ZNF782: variants seen among roughly 807,000 people sequenced by gnomAD.
The protein encoded by ZNF782 is zinc finger protein 782.
In ZNF782, 12 loss-of-function variants were observed where a neutral mutation model predicts 13.0. The ratio of observed to expected loss-of-function variants is 0.92; its 90% confidence interval spans 0.59 to 1.50. ZNF782 has a LOEUF of 1.50. Ranked by LOEUF, ZNF782 falls within the 40% of genes most tolerant of loss-of-function variation. ZNF782 has a pLI of 0.00. For missense variants in ZNF782, 770 were observed against 822.9 expected (o/e 0.94, Z 0.79); for synonymous variants, 284 against 283.0 (o/e 1.00, Z -0.04).
At chr9:96,930,787 C>A in the ZNF782 span, among the ~76,000 whole-genome samples, 1 of 145,204 alleles carries the variant, frequency 6.9e-6, no homozygotes, top group South Asian at 2.2e-4. Flanking sequence ...GGTGCCAGGA[C>A]AATCACTTGC....
At chr9:96,828,668 TAAAC>T (rs1850704284) in intron 4 of ZNF782, among the ~76,000 whole-genome samples, 2 of 152,198 alleles carry the variant, frequency 1.3e-5, no homozygotes, top group South Asian at 4.1e-4. Context: ...TGGAAAATAA[TAAAC>T]AGAGTTATCT....
At chr9:96,930,429 CAGG>C in the ZNF782 span, among the ~76,000 whole-genome samples, 160 of 149,202 alleles carry the variant, frequency 1.1e-3, no homozygotes, top group African/African-American at 3.7e-3. Context: ...GAGGCTGAGG[CAGG>C]AGAAGTGCTT....
At chr9:96,838,717 CTTT>C (rs139436021) in intron 4 of ZNF782, among the ~76,000 whole-genome samples, 5 of 136,148 alleles carry the variant, frequency 3.7e-5, no homozygotes, top group Non-Finnish European at 1.6e-5. Context: ...TTTTTCTTTT[CTTT>C]TTTTTTTTTT....
chr9:96,832,015 A>G (rs1455694073), intron 4 of ZNF782, among the ~76,000 whole-genome samples: 2 of 151,906 alleles, frequency 1.3e-5, no homozygotes, highest in Non-Finnish European at 2.9e-5. Context: ...ATAAGCTGCC[A>G]TTTTATTTGT....
chr9:96,890,609 T>C, the ZNF782 span: 1 of 152,252 alleles, frequency 6.6e-6, no homozygotes, highest in Non-Finnish European at 1.5e-5. Context: ...GGAGATCCAG[T>C]CAAGGACACG....
intron 5 of ZNF782, among the ~76,000 whole-genome samples, chr9:96,823,190 T>C (rs1454635772): frequency 6.6e-6 from 1 of 152,224 alleles, no homozygotes; most frequent in Non-Finnish European, 1.5e-5. Flanking sequence ...CCTCGTAGCA[T>C]GAGCACATAA....
chr9:96,923,949 T>C, the ZNF782 span, among the ~76,000 whole-genome samples: 3,132 of 147,958 alleles, frequency 0.021, 124 homozygotes, highest in East Asian at 0.24. Context: ...AATTCTCCTG[T>C]CTCATCCTCC....
chr9:96,901,784 G>A, the ZNF782 span, among the ~76,000 whole-genome samples: 3 of 150,718 alleles, frequency 2.0e-5, no homozygotes, highest in Non-Finnish European at 4.4e-5. Context: ...GGAGGCTGAG[G>A]CAGGAGAATG....
chr9:96,820,628 CA>C (rs2118317033), intron 5 of ZNF782, among the ~76,000 whole-genome samples: 1 of 151,558 alleles, frequency 6.6e-6, no homozygotes, highest in African/African-American at 2.4e-5. Context: ...TGGCTCACTG[CA>C]ACTTCTGCCT....
intron 4 of ZNF782, among the ~76,000 whole-genome samples, chr9:96,833,200 C>CT (rs1850863450): frequency 6.6e-6 from 1 of 152,214 alleles, no homozygotes; most frequent in Non-Finnish European, 1.5e-5. Flanking sequence ...CTATTAACAA[C>CT]TGAAACTACC....
intron 4 of ZNF782, among the ~76,000 whole-genome samples, chr9:96,831,270 AGTG>A (rs1486885735): frequency 6.6e-6 from 1 of 152,236 alleles, no homozygotes; most frequent in Non-Finnish European, 1.5e-5. Context: ...ACTTGACTGT[AGTG>A]GTGGTTACAC....
upstream of ZNF782, among the ~76,000 whole-genome samples, chr9:96,855,144 C>T (rs1463524016): frequency 6.6e-6 from 1 of 152,158 alleles, no homozygotes; most frequent in East Asian, 1.9e-4. Flanking sequence ...TGGTTTTTAT[C>T]CCTTAACATT....
intron 2 of ZNF782, among the ~76,000 whole-genome samples, chr9:96,861,005 G>C (rs76318088): frequency 6.6e-6 from 1 of 152,216 alleles, no homozygotes; most frequent in Non-Finnish European, 1.5e-5. Flanking sequence ...CCAGCACTTT[G>C]GGAGGCTGAG....
At chr9:96,886,858 G>A in the ZNF782 span, among the ~76,000 whole-genome samples, 2 of 150,636 alleles carry the variant, frequency 1.3e-5, no homozygotes, top group African/African-American at 2.5e-5. Context: ...GGGAGGTGGA[G>A]GTTGCAGTGA....
rs1208864456 is a variant in ZNF782, at chr9:96,850,351, A to G, written c.15+1596T>C. Among the ~76,000 whole-genome samples, 1 of 152,232 alleles carries G rather than the reference A, an allele frequency of 6.6e-6. No homozygotes were observed. Among genetic ancestry groups the G allele is most frequent in the Non-Finnish European group, 1.5e-5 (1 of 68,036 alleles). On this transcript the variant is annotated intron_variant, in intron 3 of 5. Transcript: ENST00000481138. The surrounding 1 kb of genome is among the most constrained non-coding windows in gnomAD (Gnocchi z 4.3). The stretch of plus-strand genomic sequence containing the variant: ...AAAGGAATGAAATAATGTCTTTTGC[A>G]GCAACTTGGATGGAGCTGGAGGCTG...
chr9:96,879,432 G>A (rs1272491692), upstream of ZNF782, among the ~76,000 whole-genome samples: 1 of 152,224 alleles, frequency 6.6e-6, no homozygotes. Flanking sequence ...GAACCCAGAA[G>A]GCAGAGCTTG....
the ZNF782 span, among the ~76,000 whole-genome samples, chr9:96,904,310 CTA>C: frequency 2.1e-5 from 2 of 93,976 alleles, no homozygotes; most frequent in Middle Eastern, 3.8e-3. Flanking sequence ...CAGGGTCTCA[CTA>C]TGTTGGCCAG....
At chr9:96,933,045 T>A in the ZNF782 span, among the ~76,000 whole-genome samples, 2 of 150,110 alleles carry the variant, frequency 1.3e-5, no homozygotes, top group African/African-American at 4.9e-5. Context: ...TGGCGTGATC[T>A]CGGCTCACTG....
chr9:96,894,617 C>A, the ZNF782 span: 1 of 152,204 alleles, frequency 6.6e-6, no homozygotes, highest in Non-Finnish European at 1.5e-5. Flanking sequence ...CTGTAAAATG[C>A]TATTGCATTG....
Sources: gnomAD v4.1 joint callset for allele counts (sites outside exome capture counted in the v4.1 genomes callset) on GRCh38, gnomAD v4.1.1 for gene constraint, Gnocchi (gnomAD v3.1) non-coding constraint, MANE v1.5 for transcripts, NCBI Gene and HGNC (gene_info 2026-07-23, HGNC 2026-07-21) for gene names.